The following GPC5 variants were observed in gnomAD, a reference collection of about 807,000 sequenced individuals.
GPC5 encodes the protein glypican 5, also known as glypican-5.
Under a neutral mutation model 53.9 loss-of-function variants are expected in GPC5, and 47 were observed. The ratio of observed to expected loss-of-function variants is 0.87; its 90% CI spans 0.69 to 1.11. The LOEUF (loss-of-function observed/expected upper bound fraction) is 1.11, where lower values mean the gene tolerates loss of function less well. Ranked by LOEUF, GPC5 falls within the 50% of genes most tolerant of loss-of-function variation. The pLI is 0.00. For synonymous variants in GPC5, 286 were observed against 263.3 expected (o/e 1.09, Z -0.84); for missense variants, 748 against 713.1 (o/e 1.05, Z -0.56).
At chr13:92,331,444 C>T (rs1379525033) in intron 7 of GPC5, among the ~76,000 whole-genome samples, 1 of 152,044 alleles carries the variant, frequency 6.6e-6, no homozygotes, top group Non-Finnish European at 1.5e-5. Context: ...AAAGAGAAGA[C>T]TAAATTGAAA....
chr13:92,702,831 A>G (rs937697606), intron 7 of GPC5, among the ~76,000 whole-genome samples: 1 of 150,710 alleles, frequency 6.6e-6, no homozygotes, highest in South Asian at 2.1e-4. Flanking sequence ...TGTGATCTCC[A>G]CTCCCTCCTC....
intron 2 of GPC5, among the ~76,000 whole-genome samples, chr13:91,493,320 T>G (rs1249030737): frequency 6.6e-6 from 1 of 152,230 alleles, no homozygotes; most frequent in Non-Finnish European, 1.5e-5. Flanking sequence ...ATTTATGCCC[T>G]CAAGCATTTA....
chr13:92,151,742 C>T (rs992098881), intron 7 of GPC5, among the ~76,000 whole-genome samples: 1 of 152,118 alleles, frequency 6.6e-6, no homozygotes, highest in Non-Finnish European at 1.5e-5. Context: ...TCAACTCTTC[C>T]ATTTGGTGAT....
rs550090133 is a variant in GPC5, at chr13:92,092,074, C to G, written c.1402-52756C>G. 3.0e-4 allele frequency among the ~76,000 whole-genome samples: 46 copies of G among 152,270 alleles called. 1 individual carries two copies. The South Asian group carries it at 9.5e-3, about 32-fold the overall frequency. ...TGCTATTGTCTATGCATTAGCCACT[C>G]CCATTTATGAGAATTTTCTAAACTT... is the stretch of plus-strand genomic sequence containing the variant. On this transcript the variant is annotated intron_variant, in intron 6 of 7. Coordinates refer to ENST00000377067, the MANE Select transcript of GPC5 (RefSeq NM_004466.6).
chr13:92,794,029 T>A (rs1168055299), intron 7 of GPC5, among the ~76,000 whole-genome samples: 2 of 152,108 alleles, frequency 1.3e-5, no homozygotes, highest in Non-Finnish European at 2.9e-5. Context: ...CCCTAACTCA[T>A]CTTATGAGGC....
At chr13:91,933,047 C>T (rs1222206563) in intron 6 of GPC5, among the ~76,000 whole-genome samples, 2 of 151,812 alleles carry the variant, frequency 1.3e-5, no homozygotes, top group Admixed American at 6.6e-5. Flanking sequence ...CCATAATTTC[C>T]CTTATCTGTC....
rs542576293 is a variant in GPC5, at chr13:91,559,356, A to G, written c.325+110434A>G. On this transcript the variant is annotated intron_variant, in intron 2 of 7. Coordinates refer to ENST00000377067, the MANE Select transcript of GPC5 (RefSeq NM_004466.6). ...AGCACACTGGAGTGCTTACTGAATG[A>G]AAACAATGAGCTCAGCGCTTGAACT... 3.3e-5 allele frequency among the ~76,000 whole-genome samples: 5 copies of G among 152,278 alleles called. No homozygotes were observed. In the South Asian group the frequency reaches 1.0e-3, roughly 32 times the overall value.
At chr13:92,183,616 T>A (rs947718872) in intron 7 of GPC5, among the ~76,000 whole-genome samples, 1 of 152,128 alleles carries the variant, frequency 6.6e-6, no homozygotes, top group African/African-American at 2.4e-5. Context: ...TTGGAAAAAC[T>A]GCTAGAATTT....
At chr13:92,348,086 C>A (rs1231583981) in intron 7 of GPC5, among the ~76,000 whole-genome samples, 1 of 137,358 alleles carries the variant, frequency 7.3e-6, no homozygotes, top group Non-Finnish European at 1.5e-5. Flanking sequence ...ACAAAACAAC[C>A]AGAAAACAAT....
At chr13:91,736,832 G>A (rs2036826018) in intron 4 of GPC5, among the ~76,000 whole-genome samples, 1 of 151,354 alleles carries the variant, frequency 6.6e-6, no homozygotes, top group Non-Finnish European at 1.5e-5. Flanking sequence ...AAAATGGAAT[G>A]AGAACTCCCA....
intron 6 of GPC5, among the ~76,000 whole-genome samples, chr13:92,138,854 G>A (rs2041806737): frequency 1.3e-5 from 2 of 152,246 alleles, no homozygotes; most frequent in Middle Eastern, 3.4e-3. Flanking sequence ...AGAAAGAATA[G>A]GGGAGGACTT....
Position 92,866,537 on chromosome 13 carries a change from T to C in GPC5, c.*98T>C. Reference sequence around the variant, plus strand: ...AGATCCTTTTTCAATGTAACAATTATATTTATGAAAAGATATGTTACACTA... The same window carrying C: ...AGATCCTTTTTCAATGTAACAATTACATTTATGAAAAGATATGTTACACTA... On this transcript the variant is annotated 3_prime_UTR_variant, in exon 8 of 8. Transcript: ENST00000377067. 9.7e-7 allele frequency: 1 copy of C among 1,033,244 alleles called. No homozygotes were observed. Among genetic ancestry groups the C allele is most frequent in the Non-Finnish European group, 1.3e-6 (1 of 748,110 alleles). 64.0% of individuals were successfully genotyped at this position (1,033,244 alleles called of 1,614,324 possible).
chr13:91,875,849 T>C (rs1188169968), intron 5 of GPC5, among the ~76,000 whole-genome samples: 1 of 152,160 alleles, frequency 6.6e-6, no homozygotes, highest in Non-Finnish European at 1.5e-5. Context: ...AACCAGGAAA[T>C]TCATATTGGC....
chr13:92,169,138 G>A (rs901021909), intron 7 of GPC5, among the ~76,000 whole-genome samples: 1 of 152,104 alleles, frequency 6.6e-6, no homozygotes, highest in Admixed American at 6.6e-5. Flanking sequence ...ATGAGAATAC[G>A]TGGACAAAGG....
In GPC5 at chr13:91,728,611, A is replaced by T; in HGVS notation, c.1100A>T (p.His367Leu). Residue 367 changes from histidine to leucine, a missense_variant, in exon 4 of 8, where the codon CAT becomes CTT. Coordinates refer to ENST00000377067, the MANE Select transcript of GPC5 (RefSeq NM_004466.6). ...RCSFDQSKEK[H>L]GMKTTTRNSE... Reference sequence around the variant, plus strand: ...TCTTTTGATCAGAGCAAAGAGAAGCATGGAATGAAGACCACCACAAGGAAC... The same window carrying T: ...TCTTTTGATCAGAGCAAAGAGAAGCTTGGAATGAAGACCACCACAAGGAAC... 6.2e-7 allele frequency: 1 copy of T among 1,613,610 alleles called. No homozygotes were observed. Among genetic ancestry groups the T allele is most frequent in the Non-Finnish European group, 8.5e-7 (1 of 1,179,624 alleles).
intron 1 of GPC5, among the ~76,000 whole-genome samples, chr13:91,443,605 A>G (rs1406574860): frequency 1.3e-5 from 2 of 152,202 alleles, no homozygotes; most frequent in Admixed American, 1.3e-4. Context: ...GTCATCTGAC[A>G]GATTTTCTGC....
intron 7 of GPC5, among the ~76,000 whole-genome samples, chr13:92,613,441 T>TGTGATATATATTTATATATAAATGTG (rs1555295351): frequency 1.1e-4 from 6 of 56,494 alleles, no homozygotes; most frequent in African/African-American, 3.0e-4. Flanking sequence ...TATATATAAA[T>TGTGATATATATTTATATATAAATGTG]ATATATATTT....
intron 6 of GPC5, among the ~76,000 whole-genome samples, chr13:92,015,787 A>G (rs2040701413): frequency 6.6e-6 from 1 of 152,216 alleles, no homozygotes; most frequent in Non-Finnish European, 1.5e-5. Flanking sequence ...TTATGTATAT[A>G]TAGCAATTAT....
chr13:92,413,109 A>G (rs1566579634), intron 7 of GPC5, among the ~76,000 whole-genome samples: 5 of 152,196 alleles, frequency 3.3e-5, no homozygotes, highest in Admixed American at 2.6e-4. Context: ...ATAGACAAAG[A>G]CGCAGGAAGT....
Sources: allele counts gnomAD v4.1 joint callset (sites outside exome capture counted in the v4.1 genomes callset), GRCh38; gene constraint gnomAD v4.1.1; transcripts MANE v1.5; gene names NCBI Gene and HGNC (gene_info 2026-07-23, HGNC 2026-07-21).